The following TMEM132C variants were observed in gnomAD, a reference collection of about 807,000 sequenced individuals.
TMEM132C encodes transmembrane protein 132C, also known as protein phosphatase 1, regulatory subunit 152.
TMEM132C carries 29 observed loss-of-function variants against 61.4 expected under a neutral mutation model. That is an observed-to-expected ratio of 0.47 (90% CI 0.35 to 0.64). TMEM132C has a LOEUF of 0.64. Among genes scored for constraint, TMEM132C ranks in the 30% least tolerant of loss-of-function variants. The pLI, the probability that TMEM132C is intolerant of heterozygous loss-of-function variation, is 0.00. For synonymous variants in TMEM132C, 656 were observed against 633.1 expected (o/e 1.04, Z -0.54); for missense variants, 1,408 against 1,476.9 (o/e 0.95, Z 0.76).
Position 128,292,334 on chromosome 12 carries a change from A to G in TMEM132C, c.85+24847A>G, listed in dbSNP as rs576224948. On this transcript the variant is annotated intron_variant, in intron 1 of 8. Transcript: ENST00000435159. ...CTCCCTGAGATTCCTGCTGTGTACA[A>G]GGGAGACAGGCCCACACTTCCCCAC... 3.9e-5 allele frequency among the ~76,000 whole-genome samples: 6 copies of G among 152,310 alleles called. No individual in the cohort carries two copies. In the East Asian group the frequency reaches 7.7e-4, roughly 20 times the overall value.
intron 4 of TMEM132C, among the ~76,000 whole-genome samples, chr12:128,659,302 G>A (rs1248785513): frequency 1.3e-5 from 2 of 152,300 alleles, no homozygotes; most frequent in East Asian, 1.9e-4. Context: ...CTAATGGGAT[G>A]TGAAAGACGT....
chr12:128,487,651 ACACAGG>A (rs761370877), intron 2 of TMEM132C, among the ~76,000 whole-genome samples: 1 of 151,780 alleles, frequency 6.6e-6, no homozygotes, highest in Non-Finnish European at 1.5e-5. Flanking sequence ...GTGCATGTAT[ACACAGG>A]CACACACGTG....
intron 5 of TMEM132C, among the ~76,000 whole-genome samples, chr12:128,693,458 G>A (rs907003631): frequency 6.6e-6 from 1 of 152,134 alleles, no homozygotes; most frequent in Admixed American, 6.5e-5. Context: ...GGTGGGGCAA[G>A]CCCTCAACCA....
chr12:128,321,664 A>T (rs1411138388), intron 1 of TMEM132C, among the ~76,000 whole-genome samples: 3 of 152,226 alleles, frequency 2.0e-5, no homozygotes, highest in African/African-American at 7.2e-5. Context: ...ACATCTCAGA[A>T]AAGATCAGAG....
chr12:128,292,665 A>G (rs548942346), intron 1 of TMEM132C, among the ~76,000 whole-genome samples: 71 of 133,608 alleles, frequency 5.3e-4, no homozygotes, highest in African/African-American at 2.0e-3. Context: ...TGAGGTATTC[A>G]TAAGTGTCTG....
chr12:128,562,898 G>T (rs905658284), intron 3 of TMEM132C, among the ~76,000 whole-genome samples: 5 of 152,194 alleles, frequency 3.3e-5, no homozygotes, highest in African/African-American at 1.2e-4. Context: ...CCAGACTCCT[G>T]CCAGCTTGTG....
At chr12:128,459,847 T>G (rs1870473059) in intron 2 of TMEM132C, among the ~76,000 whole-genome samples, 1 of 129,184 alleles carries the variant, frequency 7.7e-6, no homozygotes, top group Non-Finnish European at 1.5e-5. Context: ...ATTGTGCCAC[T>G]GCACTCCAGC....
At position 128,705,511 on chromosome 12, in the gene TMEM132C, G is replaced by A. The variant is rs768857977; in HGVS notation, c.2543G>A (p.Arg848His). 5.2e-5 allele frequency: 80 copies of A among 1,550,828 alleles called. No individual in the cohort carries two copies. Among genetic ancestry groups the A allele is most frequent in the South Asian group, 1.4e-4 (12 of 84,048 alleles). ...GHLYGSSPVE[R>H]EEGALRRATT... Reference sequence around the variant, plus strand: ...CTCTATGGCAGCTCTCCCGTGGAGCGTGAGGAAGGGGCTCTCCGAAGAGCC... The same window carrying A: ...CTCTATGGCAGCTCTCCCGTGGAGCATGAGGAAGGGGCTCTCCGAAGAGCC... The change falls in exon 9 of 9, where the codon CGT becomes CAT. Residue 848 changes from arginine (R) to histidine (H), a missense_variant. Coordinates refer to ENST00000435159, the MANE Select transcript of TMEM132C (RefSeq NM_001136103.3).
At chr12:128,659,906 G>A (rs1403126631) in intron 4 of TMEM132C, among the ~76,000 whole-genome samples, 1 of 152,204 alleles carries the variant, frequency 6.6e-6, no homozygotes, top group African/African-American at 2.4e-5. Flanking sequence ...GGGTTGTCTT[G>A]TGCAAAGAGT....
intron 2 of TMEM132C, among the ~76,000 whole-genome samples, chr12:128,511,873 C>T (rs534312828): frequency 2.4e-4 from 36 of 152,172 alleles, no homozygotes; most frequent in Non-Finnish European, 2.5e-4. Context: ...GATACTCCTG[C>T]AGGCTCAGAG....
At chr12:128,345,892 T>C (rs577939581) in intron 1 of TMEM132C, among the ~76,000 whole-genome samples, 1 of 152,322 alleles carries the variant, frequency 6.6e-6, no homozygotes, top group Non-Finnish European at 1.5e-5. Flanking sequence ...TTAATTTAAT[T>C]AGATCCCATT....
At chr12:128,561,064 C>T (rs1874500111) in intron 3 of TMEM132C, among the ~76,000 whole-genome samples, 2 of 152,350 alleles carry the variant, frequency 1.3e-5, no homozygotes, top group South Asian at 4.1e-4. Flanking sequence ...TGTCATGCCC[C>T]ATGGCTTCTT....
intron 1 of TMEM132C, among the ~76,000 whole-genome samples, chr12:128,385,591 A>G (rs1017721486): frequency 1.1e-4 from 17 of 152,212 alleles, no homozygotes; most frequent in African/African-American, 4.1e-4. Flanking sequence ...TGCAGTATGT[A>G]TAAAATCATG....
intron 1 of TMEM132C, among the ~76,000 whole-genome samples, chr12:128,302,773 T>C (rs7955198): frequency 0.39 from 58,693 of 152,094 alleles, 12,675 homozygotes; most frequent in Non-Finnish European, 0.49. Flanking sequence ...TTAATACATA[T>C]GAAATGATTT....
At chr12:128,441,227 C>T (rs143851202) in intron 2 of TMEM132C, among the ~76,000 whole-genome samples, 10 of 152,324 alleles carry the variant, frequency 6.6e-5, no homozygotes, top group Admixed American at 2.0e-4. Flanking sequence ...AGCAGAGCCA[C>T]GGTCAACCTC....
At position 128,698,403 on chromosome 12, in the gene TMEM132C, T is replaced by C. The variant is rs1216091695; in HGVS notation, c.2121+988T>C. 2.0e-5 allele frequency among the ~76,000 whole-genome samples: 3 copies of C among 152,186 alleles called. No individual in the cohort carries two copies. The East Asian group carries it at 5.8e-4, about 29-fold the overall frequency. On this transcript the variant is annotated intron_variant, in intron 8 of 8. Transcript: ENST00000435159. The stretch of plus-strand genomic sequence containing the variant: ...GCTTCTGATGCCATCATTAGAACAA[T>C]ACTTATGAGAAGAGTACAAAGTTAG...
chr12:128,304,375 G>GGGATACGTGA (rs71069553), intron 1 of TMEM132C, among the ~76,000 whole-genome samples: 2 of 151,358 alleles, frequency 1.3e-5, no homozygotes, highest in Non-Finnish European at 3.0e-5. Context: ...CCAGCATTTT[G>GGGATACGTGA]GGTGGGTAGA....
chr12:128,619,669 T>C (rs911992700), intron 4 of TMEM132C, among the ~76,000 whole-genome samples: 6 of 152,180 alleles, frequency 3.9e-5, no homozygotes, highest in Non-Finnish European at 8.8e-5. Flanking sequence ...CCCTGCGCTG[T>C]CCCCACTGTG....
intron 3 of TMEM132C, among the ~76,000 whole-genome samples, chr12:128,551,216 C>G (rs556893684): frequency 2.0e-3 from 285 of 144,356 alleles, no homozygotes; most frequent in East Asian, 7.5e-3. Flanking sequence ...AGAGCCCCCC[C>G]CCTCCCGCTT....
Sources: gnomAD v4.1 joint callset for allele counts (sites outside exome capture counted in the v4.1 genomes callset) on GRCh38, gnomAD v4.1.1 for gene constraint, MANE v1.5 for transcripts, NCBI Gene and HGNC (gene_info 2026-07-23, HGNC 2026-07-21) for gene names.